CADM2: variants seen among roughly 807,000 people sequenced by gnomAD.
The protein encoded by CADM2 is immunoglobulin superfamily member 4D.
Under a neutral mutation model 49.8 loss-of-function variants are expected in CADM2, and 12 were observed. The ratio of observed to expected loss-of-function variants is 0.24; its 90% CI spans 0.15 to 0.39. CADM2 has a LOEUF of 0.39. Ranked by LOEUF, CADM2 falls within the 10% of genes least tolerant of loss-of-function variation. CADM2 has a pLI of 1.00. For missense variants in CADM2, 378 were observed against 492.3 expected, an observed-to-expected ratio of 0.77 and a Z score of 2.20; for synonymous variants, 214 against 175.4, an observed-to-expected ratio of 1.22 and a Z score of -1.74.
intron 1 of CADM2, among the ~76,000 whole-genome samples, chr3:85,364,542 G>T (rs983173707): frequency 1.3e-5 from 2 of 152,132 alleles, no homozygotes; most frequent in African/African-American, 4.8e-5. Context: ...CAGCATTTCT[G>T]TCACAGAATG....
chr3:85,929,207 G>T (rs1318534622), intron 6 of CADM2, among the ~76,000 whole-genome samples: 1 of 152,050 alleles, frequency 6.6e-6, no homozygotes, highest in Non-Finnish European at 1.5e-5. Flanking sequence ...AAATAGTAGA[G>T]CAGGAATAAA....
intron 1 of CADM2, among the ~76,000 whole-genome samples, chr3:85,293,002 C>G (rs1296102407): frequency 6.6e-6 from 1 of 152,052 alleles, no homozygotes; most frequent in African/African-American, 2.4e-5. Context: ...ATTCCAGGAG[C>G]TGGTTTTTTG....
chr3:85,031,337 T>C (rs1386249124), intron 1 of CADM2, among the ~76,000 whole-genome samples: 1 of 152,138 alleles, frequency 6.6e-6, no homozygotes, highest in Non-Finnish European at 1.5e-5. Flanking sequence ...GGAAGGTGAA[T>C]GTGGAGATGA....
At chr3:85,551,093 C>A (rs1452190765) in intron 1 of CADM2, among the ~76,000 whole-genome samples, 3 of 152,098 alleles carry the variant, frequency 2.0e-5, no homozygotes, top group African/African-American at 7.2e-5. Flanking sequence ...AAACAATCTT[C>A]CCACCTCAGA....
At chr3:85,455,623 T>C (rs1479684458) in intron 1 of CADM2, among the ~76,000 whole-genome samples, 1 of 152,218 alleles carries the variant, frequency 6.6e-6, no homozygotes, top group Non-Finnish European at 1.5e-5. Context: ...ATGGATGCTC[T>C]TTTTTAATAT....
At chr3:85,883,707 C>T (rs941085449) in intron 4 of CADM2, among the ~76,000 whole-genome samples, 6 of 152,118 alleles carry the variant, frequency 3.9e-5, no homozygotes, top group South Asian at 4.1e-4. Context: ...CAATAGACAC[C>T]GGTTCTCTTG....
At chr3:85,929,401 G>GA (rs1216202251) in intron 6 of CADM2, among the ~76,000 whole-genome samples, 2 of 151,798 alleles carry the variant, frequency 1.3e-5, no homozygotes, top group East Asian at 3.9e-4. Context: ...CATATTCACA[G>GA]AAAAAATACA....
intron 1 of CADM2, among the ~76,000 whole-genome samples, chr3:85,671,701 T>C (rs757268972): frequency 4.6e-5 from 7 of 152,134 alleles, no homozygotes; most frequent in Non-Finnish European, 1.0e-4. Context: ...TTTGCACTTG[T>C]TGTTCTCTAT....
intron 3 of CADM2, among the ~76,000 whole-genome samples, chr3:85,870,087 CT>C (rs758619183): frequency 2.0e-5 from 3 of 152,116 alleles, no homozygotes; most frequent in Non-Finnish European, 4.4e-5. Context: ...ATAAGATCTC[CT>C]GGGCTCATTA....
At chr3:85,790,295 A>G (rs938095609) in intron 2 of CADM2, among the ~76,000 whole-genome samples, 2 of 152,196 alleles carry the variant, frequency 1.3e-5, no homozygotes, top group Non-Finnish European at 2.9e-5. Context: ...TATTCCAAAT[A>G]TAAGTCCTGT....
At chr3:85,123,698 T>G (rs1445745148) in intron 1 of CADM2, among the ~76,000 whole-genome samples, 1 of 152,180 alleles carries the variant, frequency 6.6e-6, no homozygotes, top group Non-Finnish European at 1.5e-5. Context: ...TTTATATATA[T>G]GTGCACACAC....
intron 1 of CADM2, among the ~76,000 whole-genome samples, chr3:85,687,206 G>A (rs2066243892): frequency 6.6e-6 from 1 of 152,164 alleles, no homozygotes; most frequent in South Asian, 2.1e-4. Flanking sequence ...ACATTTAATA[G>A]TTTAACACAA....
At chr3:86,063,691 C>A (rs914926175) in intron 8 of CADM2, among the ~76,000 whole-genome samples, 2 of 152,180 alleles carry the variant, frequency 1.3e-5, no homozygotes, top group African/African-American at 2.4e-5. Context: ...TCCTTTGACA[C>A]AGCAGTTACA....
At chr3:86,019,115 C>A (rs1194003829) in intron 8 of CADM2, among the ~76,000 whole-genome samples, 1 of 103,472 alleles carries the variant, frequency 9.7e-6, no homozygotes, top group African/African-American at 4.0e-5. Flanking sequence ...GTTTTCCCAG[C>A]ACCATTTATT....
intron 2 of CADM2, among the ~76,000 whole-genome samples, chr3:85,734,774 C>T (rs2068066251): frequency 1.4e-5 from 2 of 147,580 alleles, no homozygotes; most frequent in South Asian, 2.1e-4. Context: ...ATATACATAA[C>T]TCACCATATG....
intron 1 of CADM2, among the ~76,000 whole-genome samples, chr3:85,009,051 A>C (rs189743570): frequency 1.8e-4 from 28 of 152,286 alleles, no homozygotes; most frequent in African/African-American, 6.0e-4. Context: ...GTGTATGTAT[A>C]GTGAGAGATG....
At chr3:85,365,451 T>C (rs1209221729) in intron 1 of CADM2, among the ~76,000 whole-genome samples, 1 of 152,146 alleles carries the variant, frequency 6.6e-6, no homozygotes, top group Non-Finnish European at 1.5e-5. Flanking sequence ...CTAAAAATAT[T>C]GGCCCATTAT....
chr3:85,801,993 G>GCC, intron 2 of CADM2, 54 bp from the exon 3 acceptor site: 1 of 1,332,354 alleles, frequency 7.5e-7, no homozygotes, highest in Non-Finnish European at 9.9e-7. Context: ...ATCTTAGGCA[G>GCC]TTAATCATTT....
chr3:85,287,945 T>G (rs1440450251), intron 1 of CADM2, among the ~76,000 whole-genome samples: 1 of 89,430 alleles, frequency 1.1e-5, no homozygotes. Context: ...TGGGGACTGT[T>G]GTGGGGTGGA....
Sources: allele counts gnomAD v4.1 joint callset (sites outside exome capture counted in the v4.1 genomes callset), GRCh38; gene constraint gnomAD v4.1.1; transcripts MANE v1.5; gene names NCBI Gene and HGNC (gene_info 2026-07-23, HGNC 2026-07-21).